Variants in HS6ST2 observed in about 807,000 individuals in gnomAD.
HS6ST2 encodes the protein heparan-sulfate 6-O-sulfotransferase 2.
Under a neutral mutation model 33.0 loss-of-function variants are expected in HS6ST2, and 17 were observed. That is an observed-to-expected ratio of 0.52 (90% CI 0.35 to 0.77). The LOEUF (loss-of-function observed/expected upper bound fraction) is 0.77. Among genes scored for constraint, HS6ST2 ranks in the 30% least tolerant of loss-of-function variants. The probability of loss-of-function intolerance (pLI) is 0.01; values close to 1 mark genes in which losing one functional copy is unlikely to be tolerated. For synonymous variants in HS6ST2, 248 were observed against 237.1 expected (o/e 1.05, Z -0.42); for missense variants, 519 against 551.7 (o/e 0.94, Z 0.59).
intron 2 of HS6ST2, among the ~76,000 whole-genome samples, chrX:132,904,165 C>T (rs1263509641): frequency 8.9e-6 from 1 of 112,116 alleles, no homozygotes; most frequent in East Asian, 2.8e-4. Flanking sequence ...TTAGGCATTG[C>T]CAAGTAATAT....
At chrX:132,922,925 T>A (rs909771496) in intron 2 of HS6ST2, among the ~76,000 whole-genome samples, 1 of 109,953 alleles carries the variant, frequency 9.1e-6, no homozygotes, top group African/African-American at 3.3e-5. Flanking sequence ...TAGCCGGGCG[T>A]GGTAGCACAC....
chrX:132,672,181 C>G (rs999781406), intron 3 of HS6ST2, among the ~76,000 whole-genome samples: 8 of 110,583 alleles, frequency 7.2e-5, no homozygotes, highest in Non-Finnish European at 1.3e-4. Context: ...GGGGCAAAGA[C>G]CTAAAGATTA....
intron 2 of HS6ST2, among the ~76,000 whole-genome samples, chrX:132,954,241 G>C (rs1007161343): frequency 8.1e-5 from 9 of 111,800 alleles, no homozygotes; most frequent in Non-Finnish European, 1.7e-4. Context: ...AGGCCCAGCT[G>C]TCTGAACTCC....
chrX:132,951,304 C>T (rs972937995), intron 2 of HS6ST2, among the ~76,000 whole-genome samples: 1 of 111,377 alleles, frequency 9.0e-6, no homozygotes, highest in African/African-American at 3.3e-5. Context: ...ACCCCATCTA[C>T]TTCCCTAACC....
At chrX:132,649,841 G>C (rs1039686784) in intron 4 of HS6ST2, among the ~76,000 whole-genome samples, 9 of 95,302 alleles carry the variant, frequency 9.4e-5, no homozygotes, top group Admixed American at 8.8e-4. Context: ...CTGGGTGACA[G>C]AGCGAGACTC....
At chrX:132,692,993 T>C (rs1162794721) in intron 3 of HS6ST2, among the ~76,000 whole-genome samples, 2 of 112,020 alleles carry the variant, frequency 1.8e-5, no homozygotes, top group Non-Finnish European at 3.8e-5. Context: ...ATTTGATTTA[T>C]AGCAGAGGGG....
Position 132,787,890 on chromosome X carries a change from C to CA in HS6ST2, c.948-79397dup, listed in dbSNP as rs1249808889. 3.6e-3 allele frequency among the ~76,000 whole-genome samples: 333 copies of CA among 93,394 alleles called. 2 individuals carry two copies. Among genetic ancestry groups the CA allele is most frequent in the Admixed American group, 0.018 (153 of 8,610 alleles). The allele number at this position is 93,394 out of a possible 115,157, so 81.1% of individuals were successfully genotyped here. A position where few individuals can be genotyped will look rare whatever the true frequency, so the allele number is the denominator to read the frequency against. On this transcript the variant is annotated intron_variant, in intron 2 of 4. Transcript: ENST00000370833. ...TAGGTGACAGAGCGAGACTCCATCT[C>CA]AAAAAAAAAAAAGAGGTATTTTTGG...
intron 2 of HS6ST2, among the ~76,000 whole-genome samples, chrX:132,787,750 G>A (rs1225415933): frequency 9.2e-6 from 1 of 108,584 alleles, no homozygotes; most frequent in African/African-American, 3.3e-5. Context: ...ACTTAGCTGG[G>A]CGTTGTGGTA....
At chrX:132,960,316 C>T (rs763076250), upstream of HS6ST2, among the ~76,000 whole-genome samples, 3 of 110,450 alleles carry the variant, frequency 2.7e-5, no homozygotes, top group South Asian at 1.2e-3. Context: ...TGGCCACTCA[C>T]TGCAGTCAAC....
At chrX:132,918,606 C>G (rs2066619342) in intron 2 of HS6ST2, among the ~76,000 whole-genome samples, 1 of 111,643 alleles carries the variant, frequency 9.0e-6, no homozygotes, top group African/African-American at 3.3e-5. Context: ...TCAACTGGAG[C>G]CCATTTGCTA....
chrX:132,792,390 G>A (rs1483541241), intron 2 of HS6ST2, among the ~76,000 whole-genome samples: 3 of 112,435 alleles, frequency 2.7e-5, no homozygotes, highest in African/African-American at 9.7e-5. Context: ...GGAGACAGGA[G>A]TTAGGAGCCA....
At chrX:132,952,625 T>TA (rs981865148) in intron 2 of HS6ST2, among the ~76,000 whole-genome samples, 20 of 109,461 alleles carry the variant, frequency 1.8e-4, no homozygotes, top group East Asian at 1.1e-3. Context: ...TTCCCACAAT[T>TA]AAAAAAAAAT....
intron 2 of HS6ST2, among the ~76,000 whole-genome samples, chrX:132,892,967 G>GCTT (rs1256323741): frequency 1.8e-5 from 2 of 112,210 alleles, no homozygotes; most frequent in African/African-American, 6.5e-5. Context: ...ACACTGTATT[G>GCTT]CTTTTAAAAT....
intron 2 of HS6ST2, among the ~76,000 whole-genome samples, chrX:132,781,847 C>T (rs2065019134): frequency 8.9e-6 from 1 of 111,893 alleles, no homozygotes; most frequent in African/African-American, 3.3e-5. Context: ...CTGGTCTCTC[C>T]CTTGAAACAT....
At chrX:132,688,762 A>C (rs1479982293) in intron 3 of HS6ST2, among the ~76,000 whole-genome samples, 4 of 111,980 alleles carry the variant, frequency 3.6e-5, no homozygotes, top group South Asian at 7.6e-4. Context: ...AGTACTCATT[A>C]AAGTAATCTA....
intron 2 of HS6ST2, among the ~76,000 whole-genome samples, chrX:132,932,146 A>G (rs990057353): frequency 5.7e-5 from 6 of 105,021 alleles, no homozygotes; most frequent in African/African-American, 2.1e-4. Flanking sequence ...AGATTGCGCC[A>G]CTGCACTTCA....
intron 2 of HS6ST2, among the ~76,000 whole-genome samples, chrX:132,812,444 T>TAAA (rs1258836812): frequency 3.7e-4 from 36 of 96,888 alleles, no homozygotes; most frequent in Admixed American, 1.2e-3. Flanking sequence ...ATAATAATAA[T>TAAA]AAAATAATAA....
At chrX:132,908,364 A>G (rs1273183961) in intron 2 of HS6ST2, among the ~76,000 whole-genome samples, 2 of 112,332 alleles carry the variant, frequency 1.8e-5, no homozygotes, top group Admixed American at 1.9e-4. Flanking sequence ...CAATTCCTCA[A>G]ATGATTAAAC....
chrX:132,827,409 G>A (rs1743428264), intron 2 of HS6ST2, among the ~76,000 whole-genome samples: 1 of 110,764 alleles, frequency 9.0e-6, no homozygotes, highest in African/African-American at 3.3e-5. Flanking sequence ...GTTTGTTATG[G>A]CACAGGATGT....
Sources: gnomAD v4.1 joint callset for allele counts (sites outside exome capture counted in the v4.1 genomes callset) on GRCh38, gnomAD v4.1.1 for gene constraint, MANE v1.5 for transcripts, NCBI Gene and HGNC (gene_info 2026-07-23, HGNC 2026-07-21) for gene names.